B4GALT1: variants seen among roughly 807,000 people sequenced by gnomAD.
B4GALT1 encodes beta-1,4-galactosyltransferase 1.
A neutral mutation model predicts 34.9 loss-of-function variants in B4GALT1; 16 were observed. That is an observed-to-expected ratio of 0.46 (90% CI 0.31 to 0.70). B4GALT1 has a LOEUF of 0.70. B4GALT1 is among the 30% of genes least tolerant of loss of function. The pLI, the probability that B4GALT1 is intolerant of heterozygous loss-of-function variation, is 0.05. For missense variants in B4GALT1, 445 were observed against 530.5 expected (o/e 0.84, Z 1.58); for synonymous variants, 221 against 218.1 (o/e 1.01, Z -0.12).
At chr9:33,144,029 A>G (rs1461775301) in intron 1 of B4GALT1, among the ~76,000 whole-genome samples, 1 of 151,912 alleles carries the variant, frequency 6.6e-6, no homozygotes, top group Non-Finnish European at 1.5e-5. Context: ...CACAGTCACG[A>G]GCCACACAGC....
chr9:33,141,960 C>T (rs906752399), intron 1 of B4GALT1, among the ~76,000 whole-genome samples: 3 of 152,146 alleles, frequency 2.0e-5, no homozygotes, highest in Non-Finnish European at 2.9e-5. Flanking sequence ...ATGAAGGCTT[C>T]GAAGGTGTAG....
At chr9:33,137,387 G>A (rs1450899238) in intron 1 of B4GALT1, among the ~76,000 whole-genome samples, 1 of 152,162 alleles carries the variant, frequency 6.6e-6, no homozygotes, top group African/African-American at 2.4e-5. Context: ...ACCCTCTGGG[G>A]CAGGGAAGAA....
At chr9:33,115,195 T>G (rs1839921845) in intron 4 of B4GALT1, among the ~76,000 whole-genome samples, 1 of 152,258 alleles carries the variant, frequency 6.6e-6, no homozygotes, top group Non-Finnish European at 1.5e-5. Context: ...TTGCACACAA[T>G]GGTAACTTGA....
intron 3 of B4GALT1, 108 bp downstream of exon 3, chr9:33,120,311 T>A (rs1840001859): frequency 7.9e-7 from 1 of 1,271,554 alleles, no homozygotes; most frequent in Non-Finnish European, 1.1e-6. Flanking sequence ...AGAGGAGGCA[T>A]TCTGCTCCAG....
chr9:33,114,424 T>C (rs1587726700), intron 4 of B4GALT1, among the ~76,000 whole-genome samples: 1 of 152,084 alleles, frequency 6.6e-6, no homozygotes, highest in African/African-American at 2.4e-5. Context: ...ACGTGGCAGG[T>C]GATGGGCTGA....
chr9:33,123,621 A>G (rs1587731555), intron 2 of B4GALT1, among the ~76,000 whole-genome samples: 1 of 152,330 alleles, frequency 6.6e-6, no homozygotes. Context: ...ACACTCCCCA[A>G]CAACTGCAGC....
At chr9:33,169,518 ATTTT>A (rs10567394), upstream of B4GALT1, among the ~76,000 whole-genome samples, 10 of 132,346 alleles carry the variant, frequency 7.6e-5, no homozygotes, top group Non-Finnish European at 1.3e-4. Context: ...AACTGCTTGA[ATTTT>A]TTTTTTTTTT....
intron 1 of B4GALT1, 82 bp downstream of exon 1, chr9:33,166,676 C>G (rs1840759863): frequency 1.4e-6 from 2 of 1,391,168 alleles, no homozygotes; most frequent in Non-Finnish European, 1.9e-6. Context: ...GAAGAGCCAG[C>G]CTGAGGGAAT....
chr9:33,106,496 G>A (rs1839797714), downstream of B4GALT1, among the ~76,000 whole-genome samples: 1 of 152,232 alleles, frequency 6.6e-6, no homozygotes, highest in Admixed American at 6.5e-5. Context: ...AGTTTTGGAA[G>A]TTAAGGAAGA....
chr9:33,105,342 T>C (rs1353232564), intron 2 of B4GALT1, among the ~76,000 whole-genome samples: 1 of 151,922 alleles, frequency 6.6e-6, no homozygotes, highest in Non-Finnish European at 1.5e-5. Flanking sequence ...TTTCTCCATG[T>C]TGGTCAGGCT....
At position 33,113,244 on chromosome 9, in the gene B4GALT1, C is replaced by T. The variant is rs1021370743; in HGVS notation, c.*210G>A. ...CAAGAAACCCGCAAAGGCATAAACACCTTGCAGAGCTAAGAATTCACATGC... is the reference window on the plus strand; with the variant it reads ...CAAGAAACCCGCAAAGGCATAAACATCTTGCAGAGCTAAGAATTCACATGC... On this transcript the variant is annotated 3_prime_UTR_variant, in exon 6 of 6. Transcript: ENST00000379731. 3.1e-5 allele frequency: 21 copies of T among 669,944 alleles called. No homozygotes were observed. The South Asian group carries it at 3.5e-4, about 11-fold the overall frequency. 41.5% of individuals were successfully genotyped at this position (669,944 alleles called of 1,614,324 possible).
chr9:33,128,804 C>G (rs1840150491), intron 2 of B4GALT1, among the ~76,000 whole-genome samples: 1 of 152,282 alleles, frequency 6.6e-6, no homozygotes, highest in African/African-American at 2.4e-5. Context: ...GCTGTCCTCA[C>G]TAATGGGATA....
intron 1 of B4GALT1, among the ~76,000 whole-genome samples, chr9:33,138,869 C>T (rs1229772244): frequency 6.6e-6 from 1 of 152,168 alleles, no homozygotes; most frequent in African/African-American, 2.4e-5. Flanking sequence ...GCAACTGACA[C>T]CACCATCTCC....
the B4GALT1 span, among the ~76,000 whole-genome samples, chr9:33,172,473 C>A: frequency 6.6e-6 from 1 of 152,168 alleles, no homozygotes; most frequent in African/African-American, 2.4e-5. Flanking sequence ...TTTGTTCCAA[C>A]TGATTTCAGC....
the B4GALT1 span, among the ~76,000 whole-genome samples, chr9:33,175,017 AT>A: frequency 1.9e-3 from 174 of 90,680 alleles, 31 homozygotes; most frequent in Non-Finnish European, 2.9e-3. Flanking sequence ...ATATATATAT[AT>A]ATAAAATTGG....
In B4GALT1 at chr9:33,120,507, C is replaced by T; in HGVS notation, c.748G>A (p.Asp250Asn). ...DYTCFVFSDV[D>N]LIPMNDHNAY... ...TTATGGTCATTCATTGGAATGAGGT[C>T]CACGTCACTAAACACAAAGCAGGTG... is the stretch of plus-strand genomic sequence containing the variant. The change falls in exon 3 of 6, where the codon GAC (aspartate) becomes AAC (asparagine). Residue 250 changes from aspartate to asparagine, a missense_variant. Transcript: ENST00000379731. 1 of 1,614,166 alleles carries T rather than the reference C, an allele frequency of 6.2e-7. No homozygotes were observed. The highest frequency in any genetic ancestry group is 8.5e-7 in the Non-Finnish European group (1 of 1,180,016).
Position 33,167,314 on chromosome 9 carries a change from TC to T in B4GALT1, c.-146del. 9.2e-7 allele frequency: 1 copy of T among 1,085,694 alleles called. No individual in the cohort carries two copies. Among genetic ancestry groups the T allele is most frequent in the Non-Finnish European group, 1.2e-6 (1 of 824,910 alleles). 67.3% of individuals were successfully genotyped at this position (1,085,694 alleles called of 1,614,324 possible). On this transcript the variant is annotated 5_prime_UTR_variant, in exon 1 of 6. Coordinates refer to ENST00000379731, the MANE Select transcript of B4GALT1 (RefSeq NM_001497.4). Reference sequence around the variant, plus strand: ...GCGAGCGGCTGAGAGCTGAGACTCCTCCAGCCAGCCAGACCTGGGAGCGGCG... The same window carrying T: ...GCGAGCGGCTGAGAGCTGAGACTCCTCAGCCAGCCAGACCTGGGAGCGGCG...
rs759511744 is a variant in B4GALT1 at position 33,166,865 on chromosome 9, G to A, written c.305C>T (p.Pro102Leu). 1.3e-6 allele frequency: 2 copies of A among 1,577,908 alleles called. No homozygotes were observed. Among genetic ancestry groups the A allele is most frequent in the South Asian group, 1.1e-5 (1 of 87,294 alleles). Residue 102 changes from proline (P) to leucine (L), a missense_variant, in exon 1 of 6, where the codon CCA becomes CTA. Pro to Leu is a moderately conservative substitution (Grantham distance 98). Coordinates refer to ENST00000379731, the MANE Select transcript of B4GALT1 (RefSeq NM_001497.4). ...SQPRPGGDSS[P>L]VVDSGPGPAS... is the part of the protein sequence containing the mutation. ...GGGGCCAGGGCCAGAATCCACGACT[G>A]GGCTGGAGTCGCCACCCGGGCGCGG...
the B4GALT1 span, among the ~76,000 whole-genome samples, chr9:33,176,633 C>A: frequency 2.6e-4 from 39 of 152,210 alleles, no homozygotes; most frequent in African/African-American, 8.9e-4. Context: ...ATGTTCTCAC[C>A]GATAAGTGGG....
Sources: gnomAD v4.1 joint callset for allele counts (sites outside exome capture counted in the v4.1 genomes callset) on GRCh38, gnomAD v4.1.1 for gene constraint, MANE v1.5 for transcripts, NCBI Gene and HGNC (gene_info 2026-07-23, HGNC 2026-07-21) for gene names.